Variants in ACBD6 observed in about 807,000 individuals in gnomAD.
ACBD6 encodes the protein acyl-CoA binding domain containing 6, also known as acyl-CoA-binding domain-containing protein 6.
In ACBD6, 28 loss-of-function variants were observed where a neutral mutation model predicts 37.2. That is an observed-to-expected ratio of 0.75 (90% CI 0.56 to 1.03). ACBD6 has a LOEUF of 1.03. Among genes scored for constraint, ACBD6 ranks in the 50% least tolerant of loss-of-function variants. The probability of loss-of-function intolerance (pLI) is 0.00; values close to 1 mark genes in which losing one functional copy is unlikely to be tolerated. For synonymous variants in ACBD6, 113 were observed against 126.8 expected (o/e 0.89, Z 0.73); for missense variants, 340 against 337.4 (o/e 1.01, Z -0.06).
chr1:180,388,532 T>C (rs1374187067), intron 6 of ACBD6, among the ~76,000 whole-genome samples: 1 of 152,212 alleles, frequency 6.6e-6, no homozygotes, highest in Admixed American at 6.5e-5. Context: ...AGGAATCCAC[T>C]AACAAACTGT....
At position 180,323,527 on chromosome 1, in the gene ACBD6, G is replaced by C. The variant is rs59083148; in HGVS notation, c.664-8805C>G. The stretch of plus-strand genomic sequence containing the variant: ...GAGTCTCCAGCTACTATTGTATTGG[G>C]GTCTCTCTCTCTCTTTACCTCTAAT... On this transcript the variant is annotated intron_variant, in intron 6 of 7. Coordinates refer to ENST00000367595, the MANE Select transcript of ACBD6 (RefSeq NM_032360.4). 6.7e-3 allele frequency among the ~76,000 whole-genome samples: 1,013 copies of C among 151,948 alleles called. 16 individuals are homozygous for C. The highest frequency in any genetic ancestry group is 0.023 in the African/African-American group (967 of 41,468).
intron 6 of ACBD6, among the ~76,000 whole-genome samples, chr1:180,360,636 A>T (rs1652811422): frequency 6.6e-6 from 1 of 152,214 alleles, no homozygotes; most frequent in Non-Finnish European, 1.5e-5. Context: ...TTCTCTGTAA[A>T]GGAGCACTAT....
At chr1:180,435,410 G>A (rs1412699090) in intron 3 of ACBD6, among the ~76,000 whole-genome samples, 2 of 128,276 alleles carry the variant, frequency 1.6e-5, no homozygotes, top group Non-Finnish European at 3.4e-5. Flanking sequence ...CACCACGCCT[G>A]GCTAATTTTT....
At chr1:180,457,627 G>C (rs1042702048) in intron 3 of ACBD6, among the ~76,000 whole-genome samples, 2 of 152,262 alleles carry the variant, frequency 1.3e-5, no homozygotes, top group African/African-American at 2.4e-5. Flanking sequence ...CATTTAAGGA[G>C]AGCAAGAGGC....
At chr1:180,286,658 A>G (rs1649509808), downstream of ACBD6, among the ~76,000 whole-genome samples, 1 of 152,264 alleles carries the variant, frequency 6.6e-6, no homozygotes, top group Non-Finnish European at 1.5e-5. Context: ...AGAATGCTCT[A>G]CTAGAATTAC....
rs777995020 is a variant in ACBD6, at chr1:180,397,540, T to C, written c.639A>G (p.Gln213=). The C allele has an allele frequency of 2.4e-5, 38 of 1,614,060 alleles. No individual in the cohort carries two copies. Among genetic ancestry groups the C allele is most frequent in the Non-Finnish European group, 2.7e-5 (32 of 1,179,928 alleles). ...CCTGACAGTTAATGTCAGCTCTATG[T>C]TGCAGCAACACTGTGACTAGTTCCT... The part of the protein sequence containing the change: ...GHKELVTVLL[Q]HRADINCQDN... Residue 213 remains glutamine (Q), a synonymous_variant, in exon 6 of 8, where the codon CAA becomes CAG. Coordinates refer to ENST00000367595, the MANE Select transcript of ACBD6 (RefSeq NM_032360.4).
At chr1:180,457,758 T>A (rs1477058154) in intron 3 of ACBD6, among the ~76,000 whole-genome samples, 1 of 151,654 alleles carries the variant, frequency 6.6e-6, no homozygotes, top group Non-Finnish European at 1.5e-5. Context: ...AAATGCATTA[T>A]TCCAAAAAAG....
intron 3 of ACBD6, among the ~76,000 whole-genome samples, chr1:180,446,026 G>A (rs1031451318): frequency 4.6e-5 from 7 of 151,840 alleles, no homozygotes; most frequent in Non-Finnish European, 8.8e-5. Context: ...TGGGGGGGAT[G>A]GGGTCTCATT....
At chr1:180,401,444 T>C (rs552593374) in intron 5 of ACBD6, among the ~76,000 whole-genome samples, 2 of 152,264 alleles carry the variant, frequency 1.3e-5, no homozygotes, top group Admixed American at 6.5e-5. Context: ...GTAGAATTTT[T>C]TTTTAATTAG....
At chr1:180,349,286 G>C (rs976089308) in intron 6 of ACBD6, among the ~76,000 whole-genome samples, 1 of 145,076 alleles carries the variant, frequency 6.9e-6, no homozygotes, top group South Asian at 2.1e-4. Flanking sequence ...TTTTGGAAAC[G>C]TCTCGCTCTG....
At chr1:180,362,336 G>A (rs1028743344) in intron 6 of ACBD6, among the ~76,000 whole-genome samples, 1 of 152,122 alleles carries the variant, frequency 6.6e-6, no homozygotes, top group Non-Finnish European at 1.5e-5. Flanking sequence ...AAATCCTCAG[G>A]CTGCTAGTGC....
chr1:180,413,203 G>T (rs1160599940), intron 5 of ACBD6, among the ~76,000 whole-genome samples, 163 bp downstream of exon 5: 1 of 152,174 alleles, frequency 6.6e-6, no homozygotes, highest in Admixed American at 6.5e-5. Flanking sequence ...CATAATCACA[G>T]AACGTATCTT....
At chr1:180,462,002 G>A (rs568639196) in intron 3 of ACBD6, among the ~76,000 whole-genome samples, 22 of 152,302 alleles carry the variant, frequency 1.4e-4, no homozygotes, top group African/African-American at 5.3e-4. Context: ...TTGGGAAGCT[G>A]AGGCAGGCGG....
intron 9 of ACBD6, chr1:180,277,291 T>C (rs1294327913): frequency 6.6e-6 from 1 of 152,260 alleles, no homozygotes; most frequent in Non-Finnish European, 1.5e-5. Context: ...TCATTACTTT[T>C]AGCTTCTCTT....
chr1:180,473,213 C>A (rs1029663060), intron 3 of ACBD6, among the ~76,000 whole-genome samples: 2 of 151,982 alleles, frequency 1.3e-5, no homozygotes, highest in Non-Finnish European at 2.9e-5. Context: ...TTTGGGAGGC[C>A]GAGGCGGGCG....
rs78677491 is a variant in ACBD6 at position 180,321,918 on chromosome 1, A to G, written c.664-7196T>C. Among the ~76,000 whole-genome samples the G allele has an allele frequency of 5.3e-5, 8 of 152,256 alleles. No individual in the cohort carries two copies. In the East Asian group the frequency reaches 9.7e-4, roughly 18 times the overall value. Reference sequence around the variant, plus strand: ...GTCTTCCATTATCATGTTGAATAACAGTGGTGAAAATGGGTTTCCTTGTCA... The same window carrying G: ...GTCTTCCATTATCATGTTGAATAACGGTGGTGAAAATGGGTTTCCTTGTCA... On this transcript the variant is annotated intron_variant, in intron 6 of 7. Transcript: ENST00000367595.
At chr1:180,306,518 G>A (rs1378075009) in intron 7 of ACBD6, among the ~76,000 whole-genome samples, 2 of 152,120 alleles carry the variant, frequency 1.3e-5, no homozygotes, top group Non-Finnish European at 2.9e-5. Context: ...TAATGCTAGA[G>A]AGAAGTTTTT....
At chr1:180,299,953 C>T (rs1478590182) in intron 7 of ACBD6, among the ~76,000 whole-genome samples, 1 of 152,080 alleles carries the variant, frequency 6.6e-6, no homozygotes, top group African/African-American at 2.4e-5. Flanking sequence ...TGCTGCCACA[C>T]AAAGCCTATT....
At chr1:180,296,876 C>T (rs1649938928) in intron 7 of ACBD6, among the ~76,000 whole-genome samples, 1 of 152,030 alleles carries the variant, frequency 6.6e-6, no homozygotes, top group African/African-American at 2.4e-5. Flanking sequence ...CCTGTAATCC[C>T]AGCACTTCGG....
Sources: gnomAD v4.1 joint callset for allele counts (sites outside exome capture counted in the v4.1 genomes callset) on GRCh38, gnomAD v4.1.1 for gene constraint, MANE v1.5 for transcripts, NCBI Gene and HGNC (gene_info 2026-07-23, HGNC 2026-07-21) for gene names.